DDX60L: variants seen among roughly 807,000 people sequenced by gnomAD.
The protein encoded by DDX60L is DExD/H-box 60 like, also known as probable ATP-dependent RNA helicase DDX60-like.
DDX60L carries 191 observed loss-of-function variants against 211.6 expected under a neutral mutation model. The observed-to-expected ratio is 0.90, with a 90% CI of 0.80 to 1.02. The LOEUF (loss-of-function observed/expected upper bound fraction) is 1.02, where lower values mean the gene tolerates loss of function less well. DDX60L is among the 50% of genes least tolerant of loss of function. The pLI, the probability that DDX60L is intolerant of heterozygous loss-of-function variation, is 0.00. For synonymous variants in DDX60L, 706 were observed against 694.1 expected (o/e 1.02, Z -0.27); for missense variants, 2,007 against 1,984.1 (o/e 1.01, Z -0.22).
intron 1 of DDX60L, among the ~76,000 whole-genome samples, chr4:168,473,477 T>G (rs1759074603): frequency 1.3e-5 from 2 of 152,136 alleles, no homozygotes; most frequent in Admixed American, 1.3e-4. Flanking sequence ...GGGGGCCATT[T>G]TGAAGATAAA....
At chr4:168,446,418 G>A (rs1289104645) in intron 9 of DDX60L, among the ~76,000 whole-genome samples, 2 of 152,170 alleles carry the variant, frequency 1.3e-5, no homozygotes, top group Non-Finnish European at 2.9e-5. Context: ...ATGCTCATGG[G>A]TAGGAAGAAT....
In DDX60L at chr4:168,378,401, T is replaced by C. The variant is rs1359214687; in HGVS notation, c.4438A>G (p.Ile1480Val). The C allele has an allele frequency of 1.3e-6, 2 of 1,528,442 alleles. No homozygotes were observed. Among genetic ancestry groups the C allele is most frequent in the Non-Finnish European group, 1.8e-6 (2 of 1,120,606 alleles). 94.7% of individuals were successfully genotyped at this position (1,528,442 alleles called of 1,614,324 possible). Residue 1480 changes from isoleucine (I) to valine (V), a missense_variant, in exon 33 of 38, where the codon ATT (isoleucine) becomes GTT (valine). Ile to Val is a conservative substitution (Grantham distance 29, BLOSUM62 3). Transcript: ENST00000682922. ...VLANLFGRKY[I>V]PAKFQNANLS... Reference sequence around the variant, plus strand: ...TTAGCATTTTGGAATTTTGCTGGAATATATTTTCTTCCAAACAAATTTGCC... The same window carrying C: ...TTAGCATTTTGGAATTTTGCTGGAACATATTTTCTTCCAAACAAATTTGCC...
At chr4:168,422,414 G>T (rs1425938061) in intron 16 of DDX60L, 110 bp downstream of exon 16, 2 of 1,005,006 alleles carry the variant, frequency 2.0e-6, no homozygotes, top group South Asian at 2.0e-5. Context: ...GTAGAGGAAA[G>T]ACATTAAACA....
intron 36 of DDX60L, among the ~76,000 whole-genome samples, chr4:168,369,479 A>C (rs1740581872): frequency 3.0e-5 from 1 of 33,438 alleles, no homozygotes; most frequent in South Asian, 1.1e-3. Flanking sequence ...CCATTTAAAA[A>C]AAACAAAAAA....
chr4:168,388,197 G>A (rs895597635), intron 29 of DDX60L, among the ~76,000 whole-genome samples: 8 of 152,162 alleles, frequency 5.3e-5, no homozygotes, highest in African/African-American at 1.9e-4. Context: ...TTTCCCCAAA[G>A]CTGGAGTAAT....
intron 19 of DDX60L, among the ~76,000 whole-genome samples, chr4:168,419,042 A>C (rs1750035126): frequency 6.6e-6 from 1 of 152,182 alleles, no homozygotes; most frequent in Non-Finnish European, 1.5e-5. Context: ...TCATCCTTAC[A>C]GGGTTGAAAG....
At position 168,447,997 on chromosome 4, in the gene DDX60L, G is replaced by T. The variant is rs201249786; in HGVS notation, c.1138+641C>A. ...TACATATGTAACTAACCTGCACAAT[G>T]TGCACATGTACCCTAAAACTTAAAG... On this transcript the variant is annotated intron_variant, in intron 9 of 37. Coordinates refer to ENST00000682922, the MANE Select transcript of DDX60L (RefSeq NM_001012967.3). Among the ~76,000 whole-genome samples the T allele has an allele frequency of 9.1e-4, 138 of 151,556 alleles. No individual in the cohort carries two copies. In the East Asian group the frequency reaches 0.023, roughly 25 times the overall value.
Position 168,432,506 on chromosome 4 carries a change from C to A in DDX60L, c.1465G>T (p.Ala489Ser). 3 of 1,586,882 alleles carry A rather than the reference C, an allele frequency of 1.9e-6. No individual in the cohort carries two copies. The highest frequency in any genetic ancestry group is 2.6e-6 in the Non-Finnish European group (3 of 1,164,368). ...TAGTCGTCACTAAGGAGTCTTTGAG[C>A]ATGCCAGTGCAAAAGTTCATCAGAT... The part of the protein sequence containing the change: ...KTSDELLHWH[A>S]QRLLSDDYDR... Residue 489 changes from alanine to serine, a missense_variant, in exon 12 of 38, where the codon GCT (alanine) becomes TCT (serine). Physicochemically the swap from Ala to Ser is moderately conservative, Grantham distance 99. Transcript: ENST00000682922.
rs559583833 is a variant in DDX60L, at chr4:168,458,027, C to T, written c.607-19G>A. On this transcript the variant is annotated intron_variant, in intron 5 of 37. Transcript: ENST00000682922. ...TTTCATTCTGTAAAAGGGAGAAAAC[C>T]ATATAAAATATCTTAAATAAAGTAT... is the stretch of plus-strand genomic sequence containing the variant. 2.8e-5 allele frequency: 38 copies of T among 1,358,920 alleles called. No homozygotes were observed. The African/African-American group carries it at 4.7e-4, about 17-fold the overall frequency. 84.2% of individuals were successfully genotyped at this position (1,358,920 alleles called of 1,614,324 possible). A position where few individuals can be genotyped will look rare whatever the true frequency, so the allele number is the denominator to read the frequency against.
chr4:168,475,458 C>G (rs1222439146), intron 1 of DDX60L, among the ~76,000 whole-genome samples: 1 of 151,952 alleles, frequency 6.6e-6, no homozygotes, highest in Non-Finnish European at 1.5e-5. Flanking sequence ...ACTATGTATA[C>G]AGTTATGTTG....
intron 1 of DDX60L, 195 bp downstream of exon 1, chr4:168,480,182 C>T (rs1420294233): frequency 6.6e-6 from 1 of 152,330 alleles, no homozygotes; most frequent in African/African-American, 2.4e-5. Context: ...CGGTGGTTGT[C>T]CCTCTTCCCT....
intron 3 of DDX60L, 142 bp downstream of exon 3, chr4:168,472,313 G>T (rs1758892875): frequency 1.5e-6 from 1 of 648,336 alleles, no homozygotes; most frequent in Non-Finnish European, 2.7e-6. Flanking sequence ...ACTATAGGAA[G>T]AAGAGTGCGT....
intron 28 of DDX60L, among the ~76,000 whole-genome samples, chr4:168,392,840 CAAA>C (rs60915238): frequency 5.5e-5 from 7 of 126,594 alleles, no homozygotes; most frequent in East Asian, 2.3e-4. Context: ...AACTCTGTCT[CAAA>C]AAAAAAAAAA....
chr4:168,419,560 T>G (rs917974253), intron 18 of DDX60L, among the ~76,000 whole-genome samples, 163 bp from the exon 19 acceptor site: 5 of 152,238 alleles, frequency 3.3e-5, no homozygotes, highest in African/African-American at 7.2e-5. Flanking sequence ...TTATGAACAT[T>G]TGGATTAATG....
rs1366928127 is a variant in DDX60L, at chr4:168,432,524, C to T, written c.1447G>A (p.Glu483Lys). 2 of 1,584,318 alleles carry T rather than the reference C, an allele frequency of 1.3e-6. No homozygotes were observed. The highest frequency in any genetic ancestry group is 1.4e-5 in the African/African-American group (1 of 73,830). ...CTTTGAGCATGCCAGTGCAAAAGTT[C>T]ATCAGATGTCTTTTGTTTAAACAGT... ...PSLFKQKTSD[E>K]LLHWHAQRLL... Residue 483 changes from glutamate (E) to lysine (K), a missense_variant, in exon 12 of 38, where the codon GAA (glutamate) becomes AAA (lysine). Glu to Lys is a moderately conservative substitution (Grantham distance 56). Transcript: ENST00000682922.
chr4:168,435,315 T>C (rs1367299689), intron 10 of DDX60L, among the ~76,000 whole-genome samples: 1 of 152,218 alleles, frequency 6.6e-6, no homozygotes, highest in South Asian at 2.1e-4. Context: ...GAACTGTCTA[T>C]ACTTAGAAAA....
chr4:168,376,954 G>T (rs1398073693), intron 33 of DDX60L, among the ~76,000 whole-genome samples: 2 of 152,146 alleles, frequency 1.3e-5, no homozygotes, highest in Non-Finnish European at 2.9e-5. Flanking sequence ...AGATGATTTA[G>T]TGTGACACAC....
intron 30 of DDX60L, 144 bp from the exon 31 acceptor site, chr4:168,379,974 C>A (rs1742651857): frequency 3.7e-6 from 2 of 545,866 alleles, no homozygotes; most frequent in African/African-American, 3.9e-5. Context: ...TTCATATTAT[C>A]TCTTTGATTG....
rs1243931725 is a variant in DDX60L, at chr4:168,427,263, A to C, written c.1737T>G (p.Asp579Glu). 6.2e-7 allele frequency: 1 copy of C among 1,613,760 alleles called. No individual in the cohort carries two copies. Among genetic ancestry groups the C allele is most frequent in the Admixed American group, 1.7e-5 (1 of 60,012 alleles). The change falls in exon 14 of 38, where the codon GAT (aspartate) becomes GAG (glutamate). Residue 579 changes from aspartate (D) to glutamate (E), a missense_variant. Asp to Glu is a conservative substitution (Grantham distance 45, BLOSUM62 2). Coordinates refer to ENST00000682922, the MANE Select transcript of DDX60L (RefSeq NM_001012967.3). ...CATCGTTTTGCTGAGCTTTGTTCTG[A>C]TCTTCTTTGAGAAATGACTTTTTCT... ...KSKKKSFLKE[D>E]QNKAQQNDDL... is the part of the protein sequence containing the mutation.
Sources: gnomAD v4.1 joint callset for allele counts (sites outside exome capture counted in the v4.1 genomes callset) on GRCh38, gnomAD v4.1.1 for gene constraint, MANE v1.5 for transcripts, NCBI Gene and HGNC (gene_info 2026-07-23, HGNC 2026-07-21) for gene names.